Variants in ZFX observed in about 807,000 individuals in gnomAD.
ZFX encodes the protein zinc finger protein X-linked, also known as zinc finger X-chromosomal protein.
For synonymous variants in ZFX, 196 were observed against 226.8 expected (o/e 0.86, Z 1.22); for missense variants, 362 against 628.3 (o/e 0.58, Z 4.53).
intron 4 of ZFX, among the ~76,000 whole-genome samples, chrX:24,177,447 A>T (rs1749700751): frequency 9.0e-6 from 1 of 110,874 alleles, no homozygotes; most frequent in African/African-American, 3.3e-5. Context: ...TGTTCCGAGG[A>T]ACTGCCTTGG....
Position 24,212,390 on chromosome X carries a change from T to C in ZFX, c.*1014T>C, listed in dbSNP as rs1392699197. The C allele has an allele frequency of 8.9e-6, 1 of 112,300 alleles. No individual in the cohort carries two copies. The highest frequency in any genetic ancestry group is 1.9e-5 in the Non-Finnish European group (1 of 53,249). The allele number at this position is 112,300 out of a possible 1,213,427, so 9.3% of individuals were successfully genotyped here. ...CAGGGATGCATGAGAGAGCATTTTG[T>C]AAGTCATGCTCTTCAGAGAGACTAC... On this transcript the variant is annotated 3_prime_UTR_variant, in exon 10 of 10. Coordinates refer to ENST00000304543, the MANE Select transcript of ZFX (RefSeq NM_003410.4).
intron 5 of ZFX, among the ~76,000 whole-genome samples, chrX:24,206,807 TTTCTC>T (rs1344254212): frequency 3.6e-5 from 4 of 111,043 alleles, no homozygotes; most frequent in African/African-American, 1.3e-4. Flanking sequence ...TACCAGGAGT[TTTCTC>T]TATGTATAGT....
At chrX:24,164,385 T>C (rs915643929) in intron 3 of ZFX, among the ~76,000 whole-genome samples, 4 of 112,332 alleles carry the variant, frequency 3.6e-5, no homozygotes, top group African/African-American at 1.3e-4. Context: ...ATTTAAAATA[T>C]TTGTTCTAGT....
At chrX:24,198,074 A>G (rs1404357844) in intron 5 of ZFX, among the ~76,000 whole-genome samples, 4 of 112,652 alleles carry the variant, frequency 3.6e-5, no homozygotes, top group Non-Finnish European at 5.6e-5. Flanking sequence ...AAAACTAGCT[A>G]TAAAATATTT....
At chrX:24,152,007 C>G (rs1026897545) in intron 2 of ZFX, among the ~76,000 whole-genome samples, 1 of 111,768 alleles carries the variant, frequency 8.9e-6, no homozygotes, top group African/African-American at 3.3e-5. Context: ...ATCTTTTGCT[C>G]AGAGTTGTCA....
intron 3 of ZFX, among the ~76,000 whole-genome samples, chrX:24,156,282 C>T (rs1342491417): frequency 1.8e-5 from 2 of 111,741 alleles, no homozygotes; most frequent in African/African-American, 6.5e-5. Context: ...TGGCTTTTAG[C>T]TCTGTTTGTG....
chrX:24,153,183 A>C (rs771611541), intron 3 of ZFX, among the ~76,000 whole-genome samples: 6 of 111,820 alleles, frequency 5.4e-5, no homozygotes, highest in Admixed American at 1.9e-4. Context: ...GCAATTCCAA[A>C]CTTTTTTTCA....
chrX:24,164,004 A>G (rs1484252486), intron 3 of ZFX, among the ~76,000 whole-genome samples: 1 of 95,885 alleles, frequency 1.0e-5, no homozygotes, highest in African/African-American at 3.9e-5. Flanking sequence ...CAAATTGTAT[A>G]TGTTTGTGCT....
At chrX:24,152,014 G>C (rs1932220427) in intron 2 of ZFX, among the ~76,000 whole-genome samples, 1 of 111,792 alleles carries the variant, frequency 8.9e-6, no homozygotes, top group African/African-American at 3.3e-5. Context: ...GCTCAGAGTT[G>C]TCAGAATTTC....
chrX:24,184,730 AAT>A (rs759220749), intron 5 of ZFX, among the ~76,000 whole-genome samples: 103 of 111,547 alleles, frequency 9.2e-4, no homozygotes, highest in African/African-American at 3.1e-3. Flanking sequence ...TATATATTTT[AAT>A]ATATGTTTTA....
At position 24,213,677 on chromosome X, in the gene ZFX, GTTTTTTTT is replaced by G. The variant is rs58275744; in HGVS notation, c.*2316_*2323del. On this transcript the variant is annotated 3_prime_UTR_variant, in exon 10 of 10. Coordinates refer to ENST00000304543, the MANE Select transcript of ZFX (RefSeq NM_003410.4). ...TGTACCTTCTTGGCCCCCATAATGT[GTTTTTTTT>G]TTTTTTTTTTTTTTAAACTAACTTA... 1.3e-5 allele frequency: 1 copy of G among 76,096 alleles called. No individual in the cohort carries two copies. Among genetic ancestry groups the G allele is most frequent in the East Asian group, 3.7e-4 (1 of 2,695 alleles). 6.3% of individuals were successfully genotyped at this position (76,096 alleles called of 1,213,427 possible). A position where few individuals can be genotyped will look rare whatever the true frequency, so the allele number is the denominator to read the frequency against.
chrX:24,171,228 G>A (rs1934570865), intron 3 of ZFX, among the ~76,000 whole-genome samples: 1 of 111,039 alleles, frequency 9.0e-6, no homozygotes, highest in Non-Finnish European at 1.9e-5. Flanking sequence ...TCTTTTTTTT[G>A]TGGGGAAGGA....
intron 5 of ZFX, among the ~76,000 whole-genome samples, chrX:24,205,836 C>G (rs1937551415): frequency 9.0e-6 from 1 of 110,829 alleles, no homozygotes; most frequent in Non-Finnish European, 1.9e-5. Context: ...GACAGAGACT[C>G]TGTTTCAAAA....
intron 5 of ZFX, among the ~76,000 whole-genome samples, chrX:24,180,420 C>T (rs1404748181): frequency 1.7e-3 from 180 of 105,632 alleles, no homozygotes; most frequent in Middle Eastern, 9.8e-3. Context: ...CTTGCTCTGT[C>T]GTCCAGGCTG....
intron 3 of ZFX, among the ~76,000 whole-genome samples, chrX:24,162,068 AAAAG>A (rs1340457971): frequency 2.6e-4 from 29 of 110,332 alleles, no homozygotes; most frequent in Non-Finnish European, 4.6e-4. Context: ...AAAAAAAAAA[AAAAG>A]AAATCTCTAG....
In ZFX at chrX:24,153,919, C is replaced by A. The variant is rs150485674; in HGVS notation, c.-29+1089C>A. On this transcript the variant is annotated intron_variant, in intron 3 of 9. Transcript: ENST00000304543. ...TATCCAGTCAGTGTGTTTTTTGACT[C>A]AGGGACATACATATTAAGGCACACT... 9.3e-3 allele frequency among the ~76,000 whole-genome samples: 1,034 copies of A among 110,939 alleles called. 11 individuals carry two copies. The highest frequency in any genetic ancestry group is 0.032 in the African/African-American group (963 of 30,515).
At chrX:24,207,942 A>C in intron 7 of ZFX, 87 bp downstream of exon 7, 2 of 1,050,571 alleles carry the variant, frequency 1.9e-6, no homozygotes, top group Non-Finnish European at 2.6e-6. Flanking sequence ...GCATTATTTT[A>C]GAGATTATTA....
chrX:24,156,109 C>G (rs1041016334), intron 3 of ZFX, among the ~76,000 whole-genome samples: 4 of 111,737 alleles, frequency 3.6e-5, no homozygotes, highest in African/African-American at 1.3e-4. Context: ...GTTGGCCAGG[C>G]TTGTCTCGAA....
intron 5 of ZFX, among the ~76,000 whole-genome samples, chrX:24,197,953 A>G (rs906525542): frequency 8.9e-6 from 1 of 111,935 alleles, no homozygotes; most frequent in African/African-American, 3.3e-5. Context: ...GGATGGGGGA[A>G]CTATTTGGTA....
Sources: allele counts gnomAD v4.1 joint callset (sites outside exome capture counted in the v4.1 genomes callset), GRCh38; gene constraint gnomAD v4.1.1; transcripts MANE v1.5; gene names NCBI Gene and HGNC (gene_info 2026-07-23, HGNC 2026-07-21).